Variants in NIPAL2 observed in about 807,000 individuals in gnomAD.
NIPAL2 encodes NIPA-like protein 2.
A neutral mutation model predicts 48.9 loss-of-function variants in NIPAL2; 43 were observed. The observed-to-expected ratio is 0.88, with a 90% CI of 0.69 to 1.13. The LOEUF is 1.13. Among genes scored for constraint, NIPAL2 ranks in the 50% most tolerant of loss-of-function variants. The pLI, the probability that NIPAL2 is intolerant of heterozygous loss-of-function variation, is 0.00. For missense variants in NIPAL2, 446 were observed against 461.4 expected, an observed-to-expected ratio of 0.97 and a Z score of 0.31; for synonymous variants, 167 against 174.6, an observed-to-expected ratio of 0.96 and a Z score of 0.34.
intron 1 of NIPAL2, among the ~76,000 whole-genome samples, chr8:98,278,964 A>G (rs1279365073): frequency 6.6e-6 from 1 of 152,208 alleles, no homozygotes; most frequent in East Asian, 1.9e-4. Context: ...TTTAAAATCT[A>G]GTGAATTTGA....
intron 5 of NIPAL2, among the ~76,000 whole-genome samples, chr8:98,221,391 A>C (rs1223871135): frequency 6.6e-6 from 1 of 151,822 alleles, no homozygotes; most frequent in African/African-American, 2.4e-5. Context: ...AATCACTTTA[A>C]TCTTTTTCAC....
At chr8:98,225,118 G>C (rs766786223) in intron 4 of NIPAL2, among the ~76,000 whole-genome samples, 10 of 152,120 alleles carry the variant, frequency 6.6e-5, no homozygotes, top group Non-Finnish European at 1.3e-4. Context: ...ACATCACTGT[G>C]CATCTGCTAC....
intron 8 of NIPAL2, among the ~76,000 whole-genome samples, 170 bp downstream of exon 8, chr8:98,202,938 C>A (rs188454266): frequency 6.6e-6 from 1 of 152,206 alleles, no homozygotes; most frequent in Non-Finnish European, 1.5e-5. Context: ...AGAGAGCATT[C>A]ACACAAAGTA....
At chr8:98,212,600 G>A (rs375216118) in intron 5 of NIPAL2, 99 bp from the exon 6 acceptor site, 13 of 644,702 alleles carry the variant, frequency 2.0e-5, no homozygotes, top group South Asian at 7.5e-5. Flanking sequence ...TCATATGAGC[G>A]TTGAGGGTGA....
rs572369381 is a variant in NIPAL2, at chr8:98,252,777, G to T, written c.205-143C>A. On this transcript the variant is annotated intron_variant, in intron 2 of 10. Coordinates refer to ENST00000430223, the MANE Select transcript of NIPAL2 (RefSeq NM_001321635.2). ...TTTTTTTAAGAACGAATACATTTTT[G>T]GGGAATTATTGAAAATTATATTAGG... is the stretch of plus-strand genomic sequence containing the variant. The T allele has an allele frequency of 9.7e-6, 7 of 725,118 alleles. No homozygotes were observed. In the East Asian group the frequency reaches 1.2e-4, roughly 13 times the overall value. 44.9% of individuals were successfully genotyped at this position (725,118 alleles called of 1,614,324 possible).
intron 4 of NIPAL2, among the ~76,000 whole-genome samples, chr8:98,224,323 A>T (rs1456399400): frequency 6.6e-6 from 1 of 152,172 alleles, no homozygotes; most frequent in Non-Finnish European, 1.5e-5. Context: ...ATGTGTGTAT[A>T]AGTGTACATG....
At chr8:98,232,207 G>T (rs758309062) in intron 4 of NIPAL2, among the ~76,000 whole-genome samples, 37 of 152,056 alleles carry the variant, frequency 2.4e-4, no homozygotes, top group Middle Eastern at 3.4e-3. Flanking sequence ...TGGAGGCAAG[G>T]GTATAGAATA....
chr8:98,207,413 T>G (rs1811090155), intron 6 of NIPAL2, among the ~76,000 whole-genome samples: 2 of 152,200 alleles, frequency 1.3e-5, no homozygotes, highest in Admixed American at 6.5e-5. Context: ...TAAGTATTTT[T>G]GGGGGGTGGT....
intron 1 of NIPAL2, among the ~76,000 whole-genome samples, chr8:98,285,687 T>A (rs1456549767): frequency 6.6e-6 from 1 of 152,220 alleles, no homozygotes; most frequent in Non-Finnish European, 1.5e-5. Context: ...CCAAATGGAT[T>A]ACTTTCTTTT....
chr8:98,260,303 G>T (rs188521019), intron 1 of NIPAL2, among the ~76,000 whole-genome samples: 1 of 152,154 alleles, frequency 6.6e-6, no homozygotes, highest in Admixed American at 6.5e-5. Flanking sequence ...GAACAGCTCC[G>T]GTCTACAGCT....
At chr8:98,291,724 A>G (rs1816497777) in intron 1 of NIPAL2, among the ~76,000 whole-genome samples, 2 of 151,926 alleles carry the variant, frequency 1.3e-5, no homozygotes, top group South Asian at 4.2e-4. Flanking sequence ...ACCTGTCACA[A>G]CTCCATCACT....
chr8:98,245,975 TC>T (rs140426584), intron 3 of NIPAL2, among the ~76,000 whole-genome samples: 1,743 of 152,320 alleles, frequency 0.011, 15 homozygotes, highest in South Asian at 0.055. Flanking sequence ...AGTGACACTA[TC>T]ACAGGCATCC....
At chr8:98,203,914 A>G (rs928262777) in intron 7 of NIPAL2, among the ~76,000 whole-genome samples, 12 of 151,632 alleles carry the variant, frequency 7.9e-5, no homozygotes, top group Non-Finnish European at 1.3e-4. Context: ...AAATGCATGT[A>G]TGTGCATGTA....
Position 98,221,261 on chromosome 8 carries a change from C to T in NIPAL2, c.558+1218G>A, listed in dbSNP as rs187101896. On this transcript the variant is annotated intron_variant, in intron 5 of 10. Transcript: ENST00000430223. ...AAAGTGCTGGGATTACGGGCGTGAGCCACCGTGCCCAGCCTCATTTCATTC... is the reference window on the plus strand; with the variant it reads ...AAAGTGCTGGGATTACGGGCGTGAGTCACCGTGCCCAGCCTCATTTCATTC... 6.6e-3 allele frequency among the ~76,000 whole-genome samples: 1,005 copies of T among 152,096 alleles called. 4 individuals are homozygous for T. The highest frequency in any genetic ancestry group is 0.011 in the Non-Finnish European group (762 of 67,972).
chr8:98,243,370 G>A (rs1813099841), intron 3 of NIPAL2, among the ~76,000 whole-genome samples: 1 of 152,206 alleles, frequency 6.6e-6, no homozygotes, highest in South Asian at 2.1e-4. Flanking sequence ...ATAAAATAAA[G>A]GCCAAGCAAG....
intron 6 of NIPAL2, among the ~76,000 whole-genome samples, chr8:98,212,153 A>C (rs546708785): frequency 1.1e-4 from 16 of 152,330 alleles, no homozygotes; most frequent in South Asian, 8.3e-4. Context: ...TCAAATTATC[A>C]GGGAGCAAAT....
chr8:98,210,424 T>G (rs1159723237), intron 6 of NIPAL2, among the ~76,000 whole-genome samples: 1 of 152,234 alleles, frequency 6.6e-6, no homozygotes, highest in Non-Finnish European at 1.5e-5. Flanking sequence ...ATTTTTGTTA[T>G]TATTTTTCTG....
In NIPAL2 at chr8:98,250,498, C is replaced by T. The variant is rs150650027; in HGVS notation, c.376+1965G>A. Reference sequence around the variant, plus strand: ...TGACTTAAATCCAGCTCAGGACTGCCGTGGGAATACTATTTATGAACATAC... The same window carrying T: ...TGACTTAAATCCAGCTCAGGACTGCTGTGGGAATACTATTTATGAACATAC... On this transcript the variant is annotated intron_variant, in intron 3 of 10. Transcript: ENST00000430223. Among the ~76,000 whole-genome samples the T allele has an allele frequency of 2.1e-3, 327 of 152,232 alleles. 1 individual carries two copies. Among genetic ancestry groups the T allele is most frequent in the East Asian group, 0.014 (71 of 5,188 alleles).
chr8:98,195,871 G>A lies in NIPAL2; in HGVS notation c.944+71C>T, dbSNP rs557329922. On this transcript the variant is annotated intron_variant, in intron 9 of 10. Transcript: ENST00000430223. Reference sequence around the variant, plus strand: ...TTATTTTCCAATTTTCTATACCTCCGGTACAATGCCGAAAATCCTACGTAA... The same window carrying A: ...TTATTTTCCAATTTTCTATACCTCCAGTACAATGCCGAAAATCCTACGTAA... 99 of 1,074,730 alleles carry A rather than the reference G, an allele frequency of 9.2e-5. 2 individuals are homozygous for A. In the South Asian group the frequency reaches 9.9e-4, roughly 11 times the overall value. 66.6% of individuals were successfully genotyped at this position (1,074,730 alleles called of 1,614,324 possible).
Sources: allele counts gnomAD v4.1 joint callset (sites outside exome capture counted in the v4.1 genomes callset), GRCh38; gene constraint gnomAD v4.1.1; transcripts MANE v1.5; gene names NCBI Gene and HGNC (gene_info 2026-07-23, HGNC 2026-07-21).